Variants in CD9 observed in about 807,000 individuals in gnomAD.
The protein encoded by CD9 is CD9 molecule, also known as CD9 antigen.
Under a neutral mutation model 31.4 loss-of-function variants are expected in CD9, and 10 were observed. The observed-to-expected ratio is 0.32, with a 90% CI of 0.20 to 0.54. The LOEUF is 0.54. CD9 is among the 20% of genes least tolerant of loss of function. The pLI is 0.94. For missense variants in CD9, 259 were observed against 300.1 expected (o/e 0.86, Z 1.01); for synonymous variants, 113 against 114.1 (o/e 0.99, Z 0.06).
intron 1 of CD9, among the ~76,000 whole-genome samples, chr12:6,209,229 G>C (rs1257708604): frequency 6.6e-6 from 1 of 152,156 alleles, no homozygotes; most frequent in African/African-American, 2.4e-5. Context: ...CAAAGTGCTG[G>C]GATTATAGGC....
intron 1 of CD9, among the ~76,000 whole-genome samples, chr12:6,218,161 G>C (rs944786793): frequency 6.6e-6 from 1 of 151,956 alleles, no homozygotes; most frequent in Non-Finnish European, 1.5e-5. Context: ...TAGAGAGGTC[G>C]AGGCTGCAGT....
intron 1 of CD9, among the ~76,000 whole-genome samples, chr12:6,214,617 C>A (rs1946225157): frequency 1.3e-5 from 2 of 152,068 alleles, no homozygotes; most frequent in African/African-American, 4.8e-5. Context: ...TCCCAAAGTG[C>A]TAGGTCAGGT....
In CD9 at chr12:6,205,383, C is replaced by T. The variant is rs373802951; in HGVS notation, c.66+4818C>T. On this transcript the variant is annotated intron_variant, in intron 1 of 7. Coordinates refer to ENST00000009180, the MANE Select transcript of CD9 (RefSeq NM_001769.4). ...CTTCTTTTCAACGTGGCCCACAGCA[C>T]GATTCCAGACCCTGCTCTATTGTGC... 5.3e-5 allele frequency among the ~76,000 whole-genome samples: 8 copies of T among 152,322 alleles called. No homozygotes were observed. In the South Asian group the frequency reaches 8.3e-4, roughly 16 times the overall value.
In CD9 at chr12:6,230,447, C is replaced by G. The variant is rs147565822; in HGVS notation, c.176-2185C>G. Among the ~76,000 whole-genome samples, 8 of 152,376 alleles carry G rather than the reference C, an allele frequency of 5.3e-5. No homozygotes were observed. In the East Asian group the frequency reaches 1.5e-3, roughly 29 times the overall value. On this transcript the variant is annotated intron_variant, in intron 2 of 7. Transcript: ENST00000009180. Reference sequence around the variant, plus strand: ...TGGCCTCTGCCAGGACCGCCAGGTTCAAGAACTGGGATCTGGACTTAGAGA... The same window carrying G: ...TGGCCTCTGCCAGGACCGCCAGGTTGAAGAACTGGGATCTGGACTTAGAGA...
chr12:6,233,512 G>T, intron 4 of CD9, 26 bp downstream of exon 4: 1 of 1,572,636 alleles, frequency 6.4e-7, no homozygotes, highest in Non-Finnish European at 8.8e-7. Context: ...GAGATCTCTT[G>T]GGTTTGGGAG....
In CD9 at chr12:6,200,487, G is replaced by A; in HGVS notation, c.-13G>A. The A allele has an allele frequency of 6.2e-7, 1 of 1,606,018 alleles. No individual in the cohort carries two copies. Among genetic ancestry groups the A allele is most frequent in the Non-Finnish European group, 8.5e-7 (1 of 1,173,298 alleles). ...CCCGCACCCGTTCGGCCCAGGCTAA[G>A]TTAGCCCTCACCATGCCGGTCAAAG... On this transcript the variant is annotated 5_prime_UTR_variant, in exon 1 of 8. Coordinates refer to ENST00000009180, the MANE Select transcript of CD9 (RefSeq NM_001769.4).
chr12:6,237,558 A>G (rs758698618), intron 7 of CD9, among the ~76,000 whole-genome samples: 12 of 151,632 alleles, frequency 7.9e-5, no homozygotes, highest in Non-Finnish European at 1.8e-4. Flanking sequence ...CTGACTGCCA[A>G]CCCCCCCAGA....
intron 2 of CD9, 121 bp downstream of exon 2, chr12:6,225,655 C>G: frequency 1.5e-6 from 1 of 650,148 alleles, no homozygotes; most frequent in Non-Finnish European, 2.8e-6. Context: ...TCTAGCCACG[C>G]TGGCCAGTCG....
At chr12:6,212,199 G>A (rs1946200625) in intron 1 of CD9, among the ~76,000 whole-genome samples, 1 of 152,160 alleles carries the variant, frequency 6.6e-6, no homozygotes. Flanking sequence ...GAGGAAGAGT[G>A]CTGACAGCTG....
intron 1 of CD9, among the ~76,000 whole-genome samples, chr12:6,214,712 T>G (rs1314770486): frequency 6.6e-6 from 1 of 151,992 alleles, no homozygotes; most frequent in Non-Finnish European, 1.5e-5. Context: ...AGAAGTCCAG[T>G]CTCATGCATA....
chr12:6,201,686 G>C (rs972809029), intron 1 of CD9, among the ~76,000 whole-genome samples: 1 of 152,244 alleles, frequency 6.6e-6, no homozygotes, highest in African/African-American at 2.4e-5. Flanking sequence ...GAGTCTCTAT[G>C]CCACTCTCAA....
chr12:6,237,932 C>A lies in CD9; in HGVS notation c.*104C>A. 1.2e-6 allele frequency: 1 copy of A among 868,010 alleles called. No homozygotes were observed. Among genetic ancestry groups the A allele is most frequent in the Non-Finnish European group, 1.9e-6 (1 of 535,308 alleles). The allele number at this position is 868,010 out of a possible 1,614,324, so 53.8% of individuals were successfully genotyped here. A position where few individuals can be genotyped will look rare whatever the true frequency, so the allele number is the denominator to read the frequency against. On this transcript the variant is annotated 3_prime_UTR_variant, in exon 8 of 8. Coordinates refer to ENST00000009180, the MANE Select transcript of CD9 (RefSeq NM_001769.4). The stretch of plus-strand genomic sequence containing the variant: ...TGTTGTTTGTTGTTTGTTTTTTTGC[C>A]ACTAATTTTAGTATTCATTCTGCAT...
Position 6,232,332 on chromosome 12 carries a change from C to A in CD9, c.176-300C>A. ...TTTGCATTCCGAATGTAGGGATTCCCGTGGATATTCTCTGTCCTGGATTGA... is the reference window on the plus strand; with the variant it reads ...TTTGCATTCCGAATGTAGGGATTCCAGTGGATATTCTCTGTCCTGGATTGA... On this transcript the variant is annotated intron_variant, in intron 2 of 7. Coordinates refer to ENST00000009180, the MANE Select transcript of CD9 (RefSeq NM_001769.4). This position sits in a 1 kb window ranked among gnomAD's most constrained non-coding sequence, Gnocchi z 4.8. The A allele has an allele frequency of 2.1e-6, 1 of 476,900 alleles. No homozygotes were observed. Among genetic ancestry groups the A allele is most frequent in the Non-Finnish European group, 3.8e-6 (1 of 261,590 alleles). The allele number at this position is 476,900 out of a possible 1,614,324, so 29.5% of individuals were successfully genotyped here.
intron 1 of CD9, among the ~76,000 whole-genome samples, chr12:6,221,589 G>T (rs148198597): frequency 1.3e-5 from 2 of 152,268 alleles, no homozygotes; most frequent in African/African-American, 4.8e-5. Context: ...CATTTATGGA[G>T]TCCCTGAATA....
At chr12:6,225,370 G>C (rs772085324) in intron 1 of CD9, 56 bp from the exon 2 acceptor site, 115 of 1,154,114 alleles carry the variant, frequency 1.0e-4, no homozygotes, top group Non-Finnish European at 1.4e-4. Context: ...AAGCGCGTGG[G>C]GACTGTGTTG....
At chr12:6,200,394 G>T (rs533854109), upstream of CD9, 25 of 744,718 alleles carry the variant, frequency 3.4e-5, no homozygotes, top group African/African-American at 2.3e-4. Flanking sequence ...CCGGAGACCA[G>T]CCTACAGCCG....
chr12:6,211,898 C>T (rs1219340982), intron 1 of CD9, among the ~76,000 whole-genome samples: 1 of 152,164 alleles, frequency 6.6e-6, no homozygotes, highest in African/African-American at 2.4e-5. Context: ...CCCCAACATC[C>T]TAACGCCAGT....
intron 1 of CD9, chr12:6,200,850 T>C (rs1344473529): frequency 2.8e-6 from 1 of 353,438 alleles, no homozygotes; most frequent in Non-Finnish European, 5.1e-6. Flanking sequence ...CTGAGCACTT[T>C]AGCTCGCCTA....
intron 2 of CD9, among the ~76,000 whole-genome samples, chr12:6,228,581 A>C (rs1432051524): frequency 2.1e-5 from 3 of 140,848 alleles, no homozygotes; most frequent in African/African-American, 5.3e-5. Flanking sequence ...AAAAAAAAAA[A>C]CAGCAGCACA....
Sources: gnomAD v4.1 joint callset for allele counts (sites outside exome capture counted in the v4.1 genomes callset) on GRCh38, gnomAD v4.1.1 for gene constraint, Gnocchi (gnomAD v3.1) non-coding constraint, MANE v1.5 for transcripts, NCBI Gene and HGNC (gene_info 2026-07-23, HGNC 2026-07-21) for gene names.